The following RBMS1 variants were observed in gnomAD, a reference collection of about 807,000 sequenced individuals.
RBMS1 encodes the protein RNA-binding motif, single-stranded-interacting protein 1.
In RBMS1, 17 loss-of-function variants were observed where a neutral mutation model predicts 62.3. The observed-to-expected ratio is 0.27, with a 90% CI of 0.19 to 0.41. The LOEUF (loss-of-function observed/expected upper bound fraction) is 0.41, where lower values mean the gene tolerates loss of function less well. Ranked by LOEUF, RBMS1 falls within the 10% of genes least tolerant of loss-of-function variation. The pLI, the probability that RBMS1 is intolerant of heterozygous loss-of-function variation, is 1.00. For synonymous variants in RBMS1, 172 were observed against 170.0 expected, an observed-to-expected ratio of 1.01 and a Z score of -0.09; for missense variants, 334 against 504.5, an observed-to-expected ratio of 0.66 and a Z score of 3.24.
chr2:160,338,044 G>A (rs1477867677), intron 2 of RBMS1, among the ~76,000 whole-genome samples: 1 of 152,136 alleles, frequency 6.6e-6, no homozygotes, highest in Admixed American at 6.5e-5. Flanking sequence ...GAAAGCTTTG[G>A]TGACAGCAGT....
At chr2:160,449,479 T>A (rs12990893) in intron 1 of RBMS1, among the ~76,000 whole-genome samples, 24,800 of 152,262 alleles carry the variant, frequency 0.16, 2,801 homozygotes, top group Admixed American at 0.32. Context: ...TGTTCTGTAC[T>A]AAGAAAAATT....
intron 2 of RBMS1, among the ~76,000 whole-genome samples, chr2:160,349,427 T>C (rs923273299): frequency 3.9e-5 from 6 of 152,064 alleles, no homozygotes; most frequent in African/African-American, 1.4e-4. Flanking sequence ...GAGAAGAATA[T>C]GTATCATGTG....
rs142240499 is a variant in RBMS1, at chr2:160,293,399, A to C, written c.641-6315T>G. Among the ~76,000 whole-genome samples the C allele has an allele frequency of 2.6e-3, 396 of 152,286 alleles. 1 individual carries two copies. Among genetic ancestry groups the C allele is most frequent in the African/African-American group, 8.8e-3 (364 of 41,536 alleles). Reference sequence around the variant, plus strand: ...ATTGGAAAAGTCAGAGTAACACAGAAAGCAGATGTAAAACAAGCTGAAGCC... The same window carrying C: ...ATTGGAAAAGTCAGAGTAACACAGACAGCAGATGTAAAACAAGCTGAAGCC... On this transcript the variant is annotated intron_variant, in intron 6 of 13. Coordinates refer to ENST00000348849, the MANE Select transcript of RBMS1 (RefSeq NM_016836.4).
intron 2 of RBMS1, among the ~76,000 whole-genome samples, chr2:160,348,800 C>T (rs957054419): frequency 6.6e-6 from 1 of 152,066 alleles, no homozygotes; most frequent in African/African-American, 2.4e-5. Flanking sequence ...CATCCTATTG[C>T]TTTGAAAATT....
intron 1 of RBMS1, among the ~76,000 whole-genome samples, chr2:160,379,446 T>C (rs1206304911): frequency 6.6e-6 from 1 of 152,184 alleles, no homozygotes; most frequent in Non-Finnish European, 1.5e-5. Context: ...CCATGCACTA[T>C]TGTCTAATCA....
At chr2:160,290,310 T>C (rs1369506027) in intron 6 of RBMS1, among the ~76,000 whole-genome samples, 1 of 151,676 alleles carries the variant, frequency 6.6e-6, no homozygotes, top group Non-Finnish European at 1.5e-5. Flanking sequence ...GTGCCATAAA[T>C]ACTAGTCATA....
At chr2:160,355,026 G>A (rs944486920) in intron 2 of RBMS1, among the ~76,000 whole-genome samples, 1 of 152,042 alleles carries the variant, frequency 6.6e-6, no homozygotes, top group East Asian at 1.9e-4. Context: ...CGTCTCAAAA[G>A]TCTCCAGTTT....
intron 2 of RBMS1, among the ~76,000 whole-genome samples, chr2:160,323,693 C>T (rs1411375472): frequency 1.3e-5 from 2 of 151,522 alleles, no homozygotes; most frequent in Non-Finnish European, 2.9e-5. Flanking sequence ...TAGACCACAG[C>T]CCCAGCTACC....
At chr2:160,422,340 T>C (rs559301415) in intron 1 of RBMS1, among the ~76,000 whole-genome samples, 3 of 152,140 alleles carry the variant, frequency 2.0e-5, no homozygotes, top group Admixed American at 2.0e-4. Context: ...ACACATCCAC[T>C]TTCTTTCATT....
intron 4 of RBMS1, 54 bp downstream of exon 4, chr2:160,313,102 G>C: frequency 6.5e-7 from 1 of 1,542,620 alleles, no homozygotes; most frequent in Non-Finnish European, 8.9e-7. Context: ...AGACCTGTCG[G>C]GCTTCACAAC....
chr2:160,465,492 C>T (rs1211853143), intron 1 of RBMS1, among the ~76,000 whole-genome samples: 1 of 152,138 alleles, frequency 6.6e-6, no homozygotes, highest in South Asian at 2.1e-4. Context: ...CTCAGGCTTT[C>T]AGGCTACCTA....
intron 1 of RBMS1, among the ~76,000 whole-genome samples, chr2:160,438,158 T>A (rs1189071752): frequency 6.6e-6 from 1 of 152,150 alleles, no homozygotes; most frequent in East Asian, 1.9e-4. Flanking sequence ...AAGTAAAGAA[T>A]ATTCTTCGAG....
At chr2:160,282,396 C>T in intron 9 of RBMS1, 1 of 1,112,674 alleles carries the variant, frequency 9.0e-7, no homozygotes, top group Non-Finnish European at 1.3e-6. Flanking sequence ...TGGTTTCTTG[C>T]AGCTGCCAAT....
intron 2 of RBMS1, among the ~76,000 whole-genome samples, chr2:160,353,741 T>C (rs1324942661): frequency 6.6e-6 from 1 of 152,080 alleles, no homozygotes; most frequent in Non-Finnish European, 1.5e-5. Context: ...AAAAAGGTCA[T>C]TTAACCTTCC....
intron 1 of RBMS1, among the ~76,000 whole-genome samples, chr2:160,457,947 G>GGTTT (rs1192554329): frequency 9.9e-6 from 1 of 100,802 alleles, no homozygotes; most frequent in Non-Finnish European, 2.1e-5. Flanking sequence ...TGGGGTTATT[G>GGTTT]GTTTGTTTGT....
intron 1 of RBMS1, among the ~76,000 whole-genome samples, chr2:160,448,663 G>A (rs1252001212): frequency 6.6e-6 from 1 of 152,188 alleles, no homozygotes; most frequent in East Asian, 1.9e-4. Flanking sequence ...CCTCCCAGCC[G>A]CCTGCCTTGG....
At chr2:160,384,800 C>T (rs1464402265) in intron 1 of RBMS1, among the ~76,000 whole-genome samples, 2 of 152,154 alleles carry the variant, frequency 1.3e-5, no homozygotes, top group Non-Finnish European at 2.9e-5. Flanking sequence ...TTCTCAATGT[C>T]TGATATGGTT....
intron 2 of RBMS1, among the ~76,000 whole-genome samples, chr2:160,358,842 CTA>C (rs1287615777): frequency 2.0e-5 from 3 of 151,890 alleles, no homozygotes; most frequent in African/African-American, 4.8e-5. Flanking sequence ...GCCCACAACC[CTA>C]TGTTTTTGTT....
rs1450203055 is a variant in RBMS1 at position 160,272,383 on chromosome 2, T to C, written c.*2389A>G. 5 of 151,962 alleles carry C rather than the reference T, an allele frequency of 3.3e-5. No homozygotes were observed. Among genetic ancestry groups the C allele is most frequent in the Non-Finnish European group, 7.4e-5 (5 of 67,964 alleles). The allele number at this position is 151,962 out of a possible 1,614,324, so 9.4% of individuals were successfully genotyped here. ...TCTCTTGATCATATAGATATCTCTA[T>C]GAAAATCTTTTTTTTTCAATCTGTA... On this transcript the variant is annotated 3_prime_UTR_variant, in exon 14 of 14. Transcript: ENST00000348849.
Sources: gnomAD v4.1 joint callset for allele counts (sites outside exome capture counted in the v4.1 genomes callset) on GRCh38, gnomAD v4.1.1 for gene constraint, MANE v1.5 for transcripts, NCBI Gene and HGNC (gene_info 2026-07-23, HGNC 2026-07-21) for gene names.